Variants in SHLD1 observed in about 807,000 individuals in gnomAD.
SHLD1 encodes RINN1-REV7-interacting novel NHEJ regulator 3.
Under a neutral mutation model 5.5 loss-of-function variants are expected in SHLD1, and 3 were observed. That is an observed-to-expected ratio of 0.54 (90% CI 0.25 to 1.40). The LOEUF (loss-of-function observed/expected upper bound fraction) is 1.40, where lower values mean the gene tolerates loss of function less well. Among genes scored for constraint, SHLD1 ranks in the 40% most tolerant of loss-of-function variants. SHLD1 has a pLI of 0.15. For synonymous variants in SHLD1, 92 were observed against 94.3 expected, an observed-to-expected ratio of 0.98 and a Z score of 0.14; for missense variants, 210 against 244.4, an observed-to-expected ratio of 0.86 and a Z score of 0.94.
At chr20:5,789,278 A>G (rs2087105583) in intron 2 of SHLD1, among the ~76,000 whole-genome samples, 2 of 150,402 alleles carry the variant, frequency 1.3e-5, no homozygotes, top group Non-Finnish European at 3.0e-5. Flanking sequence ...AAATTATAGT[A>G]CCATTAAAGG....
At chr20:5,813,454 A>C (rs1482284305) in intron 2 of SHLD1, among the ~76,000 whole-genome samples, 1 of 152,164 alleles carries the variant, frequency 6.6e-6, no homozygotes, top group Non-Finnish European at 1.5e-5. Context: ...GTGCCACTGC[A>C]CTCCAGCTTG....
At chr20:5,828,941 T>A (rs1294490686) in intron 2 of SHLD1, among the ~76,000 whole-genome samples, 1 of 152,222 alleles carries the variant, frequency 6.6e-6, no homozygotes, top group East Asian at 1.9e-4. Flanking sequence ...GGTGCAATGT[T>A]GGCTCACTGC....
chr20:5,788,259 A>G (rs2087089373), intron 2 of SHLD1, among the ~76,000 whole-genome samples: 1 of 152,008 alleles, frequency 6.6e-6, no homozygotes, highest in African/African-American at 2.4e-5. Flanking sequence ...ACAAAAAAAC[A>G]GAGGTGTACC....
chr20:5,799,974 G>A lies in SHLD1; in HGVS notation c.178+26931G>A, dbSNP rs1169591177. Reference sequence around the variant, plus strand: ...ATGTGGCCCAATTCTGTAAGAAAGGGTTTAAGGCCATACGTGATTATTGCT... The same window carrying A: ...ATGTGGCCCAATTCTGTAAGAAAGGATTTAAGGCCATACGTGATTATTGCT... On this transcript the variant is annotated intron_variant, in intron 2 of 2. Coordinates refer to ENST00000303142, the MANE Select transcript of SHLD1 (RefSeq NM_152504.4). 2.0e-5 allele frequency among the ~76,000 whole-genome samples: 3 copies of A among 150,942 alleles called. No individual in the cohort carries two copies. The East Asian group carries it at 5.9e-4, about 30-fold the overall frequency.
chr20:5,809,766 T>C (rs563972280), intron 2 of SHLD1, among the ~76,000 whole-genome samples: 33 of 152,118 alleles, frequency 2.2e-4, no homozygotes, highest in African/African-American at 7.7e-4. Context: ...TACTGACATA[T>C]AGTCGGGAGA....
chr20:5,771,856 CT>C (rs1985172822), intron 1 of SHLD1: 1 of 122,392 alleles, frequency 8.2e-6, no homozygotes, highest in South Asian at 7.5e-5. Flanking sequence ...GAGTTGAGAA[CT>C]TTTACCTTTT....
intron 1 of SHLD1, among the ~76,000 whole-genome samples, chr20:5,752,676 G>A (rs1983830043): frequency 6.8e-6 from 1 of 147,902 alleles, no homozygotes; most frequent in African/African-American, 2.5e-5. Context: ...GAGTGCAGTA[G>A]TGCGATCTCG....
intron 2 of SHLD1, among the ~76,000 whole-genome samples, chr20:5,780,372 C>T (rs954881543): frequency 8.5e-5 from 13 of 152,216 alleles, no homozygotes; most frequent in Middle Eastern, 3.4e-3. Context: ...ACAGTGGAGG[C>T]GTGGCGTAGT....
intron 2 of SHLD1, among the ~76,000 whole-genome samples, chr20:5,829,578 G>A (rs535766646): frequency 2.9e-4 from 44 of 152,252 alleles, no homozygotes; most frequent in African/African-American, 6.7e-4. Context: ...GATTAACTCC[G>A]CAGCCATGTT....
intron 2 of SHLD1, among the ~76,000 whole-genome samples, chr20:5,840,381 A>T (rs2087843300): frequency 6.6e-6 from 1 of 151,930 alleles, no homozygotes; most frequent in Admixed American, 6.6e-5. Context: ...CCTCAAAGCT[A>T]CTGTTCAGGG....
chr20:5,863,058 C>A lies in SHLD1; in HGVS notation c.213C>A (p.Ser71=). The part of the protein sequence containing the change: ...TSNLNIEQNN[S]WTAENFWLDP... ...ACTTAAATATAGAACAAAATAACTCCTGGACCGCTGAGAACTTCTGGCTTG... is the reference window on the plus strand; with the variant it reads ...ACTTAAATATAGAACAAAATAACTCATGGACCGCTGAGAACTTCTGGCTTG... Residue 71 remains serine, a synonymous_variant, in exon 3 of 3, where the codon TCC becomes TCA. Coordinates refer to ENST00000303142, the MANE Select transcript of SHLD1 (RefSeq NM_152504.4). The A allele has an allele frequency of 1.2e-6, 2 of 1,612,784 alleles. No homozygotes were observed. Among genetic ancestry groups the A allele is most frequent in the Non-Finnish European group, 1.7e-6 (2 of 1,179,438 alleles).
At chr20:5,783,715 C>G (rs2087017907) in intron 2 of SHLD1, among the ~76,000 whole-genome samples, 2 of 152,132 alleles carry the variant, frequency 1.3e-5, no homozygotes, top group South Asian at 2.1e-4. Context: ...AGTCTCCGAG[C>G]TGGTGGTTCC....
rs572555309 is a variant in SHLD1, at chr20:5,853,544, T to A, written c.179-9480T>A. On this transcript the variant is annotated intron_variant, in intron 2 of 2. Coordinates refer to ENST00000303142, the MANE Select transcript of SHLD1 (RefSeq NM_152504.4). ...CATTCAAGACCTTTTATGAAAATAGTTACAAGGCCACGGTTATCTGTTTTT... is the reference window on the plus strand; with the variant it reads ...CATTCAAGACCTTTTATGAAAATAGATACAAGGCCACGGTTATCTGTTTTT... Among the ~76,000 whole-genome samples the A allele has an allele frequency of 2.1e-4, 32 of 152,324 alleles. No homozygotes were observed. The South Asian group carries it at 6.4e-3, about 31-fold the overall frequency.
intron 2 of SHLD1, among the ~76,000 whole-genome samples, chr20:5,773,826 A>G (rs1288784872): frequency 1.3e-5 from 2 of 152,146 alleles, no homozygotes; most frequent in Non-Finnish European, 2.9e-5. Flanking sequence ...AGTCAGGTTT[A>G]GCTTAAGGTA....
intron 2 of SHLD1, among the ~76,000 whole-genome samples, chr20:5,836,036 G>C (rs2087785081): frequency 6.6e-6 from 1 of 151,938 alleles, no homozygotes; most frequent in Non-Finnish European, 1.5e-5. Context: ...ATGTAACAGT[G>C]GTTGAGATAG....
At chr20:5,808,819 T>C (rs1332724938) in intron 2 of SHLD1, among the ~76,000 whole-genome samples, 1 of 152,270 alleles carries the variant, frequency 6.6e-6, no homozygotes, top group Non-Finnish European at 1.5e-5. Context: ...TGAAATTTAA[T>C]GGCTAAGTAA....
chr20:5,758,779 G>T (rs1984285580), intron 1 of SHLD1, among the ~76,000 whole-genome samples: 1 of 152,016 alleles, frequency 6.6e-6, no homozygotes, highest in Non-Finnish European at 1.5e-5. Context: ...CAAAGAGGTG[G>T]GAGGACGCTT....
At chr20:5,851,001 G>A (rs563035526) in intron 2 of SHLD1, among the ~76,000 whole-genome samples, 6 of 152,326 alleles carry the variant, frequency 3.9e-5, no homozygotes, top group Admixed American at 3.9e-4. Context: ...TCCAGGGGCA[G>A]CTGGCCAAGG....
At chr20:5,801,327 C>T (rs965774275) in intron 2 of SHLD1, among the ~76,000 whole-genome samples, 10 of 152,132 alleles carry the variant, frequency 6.6e-5, no homozygotes, top group African/African-American at 1.9e-4. Context: ...CCACCCACTT[C>T]CGCCTCCCAA....
Sources: gnomAD v4.1 joint callset for allele counts (sites outside exome capture counted in the v4.1 genomes callset) on GRCh38, gnomAD v4.1.1 for gene constraint, MANE v1.5 for transcripts, NCBI Gene and HGNC (gene_info 2026-07-23, HGNC 2026-07-21) for gene names.